The following NEGR1 variants were observed in gnomAD, a reference collection of about 807,000 sequenced individuals.
NEGR1 encodes the protein neuronal growth regulator 1.
NEGR1 carries 10 observed loss-of-function variants against 40.9 expected under a neutral mutation model. The observed-to-expected ratio is 0.24, with a 90% CI of 0.15 to 0.42. The LOEUF is 0.42. Ranked by LOEUF, NEGR1 falls within the 10% of genes least tolerant of loss-of-function variation. NEGR1 has a pLI of 1.00. For missense variants in NEGR1, 352 were observed against 438.9 expected, an observed-to-expected ratio of 0.80 and a Z score of 1.77; for synonymous variants, 185 against 166.8, an observed-to-expected ratio of 1.11 and a Z score of -0.84.
chr1:72,018,928 G>T (rs567124882), intron 1 of NEGR1, among the ~76,000 whole-genome samples: 2 of 152,288 alleles, frequency 1.3e-5, no homozygotes, highest in East Asian at 3.9e-4. Context: ...CTGCTCTTCA[G>T]AGAATATGCT....
At chr1:72,235,417 G>A (rs2797543) in intron 1 of NEGR1, among the ~76,000 whole-genome samples, 76,792 of 151,690 alleles carry the variant, frequency 0.51, 20,708 homozygotes, top group African/African-American at 0.68. Context: ...GGAAAAGGGC[G>A]GAAAGATTTG....
intron 2 of NEGR1, among the ~76,000 whole-genome samples, chr1:71,874,043 T>G (rs1441044873): frequency 6.6e-6 from 1 of 152,204 alleles, no homozygotes; most frequent in Non-Finnish European, 1.5e-5. Flanking sequence ...AACAGTATTC[T>G]AATCTAGTTT....
At chr1:71,494,282 G>C (rs1431238810) in intron 6 of NEGR1, among the ~76,000 whole-genome samples, 2 of 152,194 alleles carry the variant, frequency 1.3e-5, no homozygotes, top group African/African-American at 2.4e-5. Context: ...AGTGGTAGGA[G>C]ACTAAAGGGC....
chr1:71,849,198 C>CCAGAAT (rs1265767497), intron 2 of NEGR1, among the ~76,000 whole-genome samples: 2 of 152,100 alleles, frequency 1.3e-5, no homozygotes, highest in Non-Finnish European at 2.9e-5. Flanking sequence ...GGAAAATATT[C>CCAGAAT]ACCATTTTAG....
At chr1:72,093,335 A>AG (rs1232324264) in intron 1 of NEGR1, among the ~76,000 whole-genome samples, 1 of 151,738 alleles carries the variant, frequency 6.6e-6, no homozygotes, top group African/African-American at 2.4e-5. Context: ...GCCTCAAAAA[A>AG]AAAAAAAAGA....
At position 71,482,946 on chromosome 1, in the gene NEGR1, TAA is replaced by T. The variant is rs548522430; in HGVS notation, c.941-75378_941-75377del. On this transcript the variant is annotated intron_variant, in intron 6 of 6. Coordinates refer to ENST00000357731, the MANE Select transcript of NEGR1 (RefSeq NM_173808.3). Reference sequence around the variant, plus strand: ...ATTAAAATACAATAATTATTCTATATAAGTGAGATAAAGAAATGAATTAATCA... The same window carrying T: ...ATTAAAATACAATAATTATTCTATATGTGAGATAAAGAAATGAATTAATCA... 4.2e-3 allele frequency among the ~76,000 whole-genome samples: 639 copies of T among 151,904 alleles called. 5 individuals are homozygous for T. Among genetic ancestry groups the T allele is most frequent in the African/African-American group, 0.015 (616 of 41,478 alleles).
intron 1 of NEGR1, among the ~76,000 whole-genome samples, chr1:72,210,519 C>G (rs1387494306): frequency 6.6e-6 from 1 of 151,866 alleles, no homozygotes; most frequent in African/African-American, 2.4e-5. Context: ...CAAAGTTAAA[C>G]AGAGGCAGGC....
intron 6 of NEGR1, among the ~76,000 whole-genome samples, chr1:71,451,797 A>T (rs1050675706): frequency 6.6e-6 from 1 of 152,246 alleles, no homozygotes; most frequent in African/African-American, 2.4e-5. Context: ...TTTAAATCTG[A>T]CTAGGCTCAT....
intron 1 of NEGR1, among the ~76,000 whole-genome samples, chr1:72,039,303 A>G (rs924529176): frequency 6.6e-6 from 1 of 152,022 alleles, no homozygotes; most frequent in Admixed American, 6.6e-5. Flanking sequence ...CTGATCAGGT[A>G]CATGATGTGG....
intron 1 of NEGR1, among the ~76,000 whole-genome samples, chr1:71,963,102 A>T: frequency 6.6e-6 from 1 of 152,076 alleles, no homozygotes; most frequent in Non-Finnish European, 1.5e-5. Flanking sequence ...TTTTTTTTTA[A>T]AAGTTGTTAA....
At chr1:72,153,708 G>A (rs2100360071) in intron 1 of NEGR1, among the ~76,000 whole-genome samples, 1 of 151,832 alleles carries the variant, frequency 6.6e-6, no homozygotes, top group East Asian at 1.9e-4. Flanking sequence ...AGAGTGAGAA[G>A]AAAATCAGAC....
At chr1:71,657,793 T>G (rs1258241208) in intron 4 of NEGR1, among the ~76,000 whole-genome samples, 1 of 152,228 alleles carries the variant, frequency 6.6e-6, no homozygotes, top group Non-Finnish European at 1.5e-5. Flanking sequence ...ACAAACTATT[T>G]GCAATACTTA....
intron 1 of NEGR1, among the ~76,000 whole-genome samples, chr1:72,165,572 C>T (rs888146264): frequency 5.3e-5 from 8 of 151,966 alleles, no homozygotes; most frequent in African/African-American, 1.7e-4. Flanking sequence ...GAAGCATTTC[C>T]TATTCTTTGT....
At chr1:71,840,042 T>C in intron 2 of NEGR1, among the ~76,000 whole-genome samples, 1 of 152,180 alleles carries the variant, frequency 6.6e-6, no homozygotes, top group East Asian at 1.9e-4. Context: ...GGCTTTTCCA[T>C]TTTTATCAAA....
chr1:72,196,951 T>G (rs1366381502), intron 1 of NEGR1, among the ~76,000 whole-genome samples: 1 of 151,986 alleles, frequency 6.6e-6, no homozygotes, highest in African/African-American at 2.4e-5. Context: ...GCAAGTAGAT[T>G]TAGGACAACT....
At chr1:71,699,247 G>T (rs1653596834) in intron 3 of NEGR1, among the ~76,000 whole-genome samples, 1 of 151,762 alleles carries the variant, frequency 6.6e-6, no homozygotes, top group South Asian at 2.1e-4. Flanking sequence ...TTTAGTTATG[G>T]CCCTCCAAAT....
intron 1 of NEGR1, among the ~76,000 whole-genome samples, chr1:72,271,494 A>T (rs1655841693): frequency 6.6e-6 from 1 of 151,996 alleles, no homozygotes; most frequent in South Asian, 2.1e-4. Context: ...TGTATATATA[A>T]TATCCTTCTG....
chr1:71,450,851 T>C (rs1646622261), intron 6 of NEGR1, among the ~76,000 whole-genome samples: 1 of 151,270 alleles, frequency 6.6e-6, no homozygotes. Context: ...AAAATAAGGG[T>C]AACTTTTTCT....
chr1:71,897,685 G>A (rs961922608), intron 2 of NEGR1, among the ~76,000 whole-genome samples: 2 of 152,086 alleles, frequency 1.3e-5, no homozygotes, highest in African/African-American at 4.8e-5. Flanking sequence ...TAAAAATCAA[G>A]ATGATTCCAC....
Sources: allele counts gnomAD v4.1 joint callset (sites outside exome capture counted in the v4.1 genomes callset), GRCh38; gene constraint gnomAD v4.1.1; transcripts MANE v1.5; gene names NCBI Gene and HGNC (gene_info 2026-07-23, HGNC 2026-07-21).